The following CNOT10 variants were observed in gnomAD, a reference collection of about 807,000 sequenced individuals.
CNOT10 encodes CCR4-NOT transcription complex, subunit 10.
Under a neutral mutation model 94.6 loss-of-function variants are expected in CNOT10, and 30 were observed. The ratio of observed to expected loss-of-function variants is 0.32; its 90% CI spans 0.24 to 0.43. The LOEUF (loss-of-function observed/expected upper bound fraction) is 0.43, where lower values mean the gene tolerates loss of function less well. CNOT10 is among the 20% of genes least tolerant of loss of function. The probability of loss-of-function intolerance (pLI) is 1.00; values close to 1 mark genes in which losing one functional copy is unlikely to be tolerated. For synonymous variants in CNOT10, 289 were observed against 301.6 expected, an observed-to-expected ratio of 0.96 and a Z score of 0.43; for missense variants, 759 against 877.2, an observed-to-expected ratio of 0.87 and a Z score of 1.70.
At chr3:32,742,688 AGTAATTTT>A (rs1406959143) in intron 13 of CNOT10, among the ~76,000 whole-genome samples, 1 of 152,188 alleles carries the variant, frequency 6.6e-6, no homozygotes, top group Non-Finnish European at 1.5e-5. Context: ...GTCCTTTACC[AGTAATTTT>A]GTAGTCTGTA....
At chr3:32,685,735 C>T (rs1239245137) in intron 1 of CNOT10, among the ~76,000 whole-genome samples, 1 of 152,164 alleles carries the variant, frequency 6.6e-6, no homozygotes, top group East Asian at 1.9e-4. Flanking sequence ...CAGAATAACT[C>T]CGGCCCAAAA....
In CNOT10 at chr3:32,685,455, G is replaced by T; in HGVS notation, c.-6G>T. 8 of 1,550,382 alleles carry T rather than the reference G, an allele frequency of 5.2e-6. No homozygotes were observed. The highest frequency in any genetic ancestry group is 6.1e-6 in the Non-Finnish European group (7 of 1,146,768). ...TGCAGGGAAGAACCCGAGTCGAAGC[G>T]GGAAGATGGCTGCAGACAAGCCTGC... On this transcript the variant is annotated 5_prime_UTR_variant, in exon 1 of 19. Coordinates refer to ENST00000328834, the MANE Select transcript of CNOT10 (RefSeq NM_015442.3).
intron 13 of CNOT10, among the ~76,000 whole-genome samples, chr3:32,758,508 A>G (rs905521500): frequency 2.0e-4 from 31 of 152,328 alleles, no homozygotes; most frequent in African/African-American, 7.5e-4. Context: ...CTGTGGTGAT[A>G]TACTGGTTAC....
chr3:32,727,527 A>G, intron 9 of CNOT10, 141 bp from the exon 10 acceptor site: 1 of 628,512 alleles, frequency 1.6e-6, no homozygotes, highest in Admixed American at 2.8e-5. Context: ...GGAGACCACC[A>G]TTGGCGAGAG....
rs577442238 is a variant in CNOT10, at chr3:32,705,592, A to G, written c.279+620A>G. Among the ~76,000 whole-genome samples, 3 of 152,272 alleles carry G rather than the reference A, an allele frequency of 2.0e-5. No individual in the cohort carries two copies. The East Asian group carries it at 5.8e-4, about 29-fold the overall frequency. On this transcript the variant is annotated intron_variant, in intron 3 of 18. Coordinates refer to ENST00000328834, the MANE Select transcript of CNOT10 (RefSeq NM_015442.3). The stretch of plus-strand genomic sequence containing the variant: ...CAGTAGCCCTATGAAATAGCTATAT[A>G]ATTTTTCTTATTTTAAAAGTGGAAA...
intron 1 of CNOT10, among the ~76,000 whole-genome samples, chr3:32,692,795 C>T (rs540313182): frequency 2.0e-4 from 30 of 152,128 alleles, no homozygotes; most frequent in African/African-American, 5.3e-4. Context: ...CCTGTAATCC[C>T]AGCACTTTGG....
intron 13 of CNOT10, among the ~76,000 whole-genome samples, chr3:32,745,640 C>G (rs757746903): frequency 3.3e-5 from 5 of 152,216 alleles, no homozygotes; most frequent in Non-Finnish European, 7.3e-5. Context: ...AGGTATTCAT[C>G]AGTAGAAGAA....
intron 3 of CNOT10, among the ~76,000 whole-genome samples, chr3:32,707,742 A>T (rs1697689969): frequency 6.6e-6 from 1 of 152,082 alleles, no homozygotes; most frequent in Non-Finnish European, 1.5e-5. Flanking sequence ...GGTGGAGGTT[A>T]CACTGAGCTG....
intron 8 of CNOT10, among the ~76,000 whole-genome samples, chr3:32,723,408 AAAG>A (rs1275180533): frequency 6.6e-6 from 1 of 152,104 alleles, no homozygotes; most frequent in African/African-American, 2.4e-5. Context: ...AAAAAAAAGA[AAAG>A]AGAATATTAA....
At chr3:32,731,208 GA>G (rs1698933729) in intron 10 of CNOT10, among the ~76,000 whole-genome samples, 1 of 152,150 alleles carries the variant, frequency 6.6e-6, no homozygotes, top group South Asian at 2.1e-4. Context: ...GTTTTGATCA[GA>G]GAAGTTTTAT....
At chr3:32,737,350 T>A in intron 12 of CNOT10, 60 bp from the exon 13 acceptor site, 1 of 1,291,228 alleles carries the variant, frequency 7.7e-7, no homozygotes, top group Non-Finnish European at 1.1e-6. Flanking sequence ...GGAAACAAAA[T>A]TTTACGTTTA....
intron 13 of CNOT10, among the ~76,000 whole-genome samples, chr3:32,749,532 T>C (rs573279290): frequency 1.3e-5 from 2 of 150,564 alleles, no homozygotes; most frequent in African/African-American, 4.9e-5. Context: ...GCCTCAAGCC[T>C]CCCAAGTAGC....
chr3:32,720,343 T>C (rs1301520669), intron 8 of CNOT10, 112 bp downstream of exon 8: 1 of 488,460 alleles, frequency 2.0e-6, no homozygotes, highest in Non-Finnish European at 3.7e-6. Flanking sequence ...AATTTTTTAA[T>C]GAAAATGTTT....
Position 32,685,288 on chromosome 3 carries a change from A to C in CNOT10, c.-173A>C, listed in dbSNP as rs1025602805. On this transcript the variant is annotated 5_prime_UTR_variant, in exon 1 of 19. An upstream open reading frame in the 5' UTR loses its in-frame stop. Transcript: ENST00000328834. ...TTGCTGTTGCTAGACGACGGGAACT[A>C]GCTCTCGTCACTTCCTCAGCCCGCC... 1.1e-5 allele frequency: 7 copies of C among 627,768 alleles called. No individual in the cohort carries two copies. The highest frequency in any genetic ancestry group is 2.8e-6 in the Non-Finnish European group (1 of 360,040). 38.9% of individuals were successfully genotyped at this position (627,768 alleles called of 1,614,324 possible).
At chr3:32,756,594 A>T (rs565296897) in intron 13 of CNOT10, among the ~76,000 whole-genome samples, 3 of 152,192 alleles carry the variant, frequency 2.0e-5, no homozygotes, top group African/African-American at 7.2e-5. Flanking sequence ...GGAGCTGGAA[A>T]AGAGTTGGCT....
chr3:32,739,339 C>T (rs529745280), intron 13 of CNOT10, among the ~76,000 whole-genome samples: 3 of 152,224 alleles, frequency 2.0e-5, no homozygotes, highest in South Asian at 2.1e-4. Flanking sequence ...TTTTCTATTT[C>T]GTTTCTGCTC....
At chr3:32,722,006 C>T (rs1698440118) in intron 8 of CNOT10, among the ~76,000 whole-genome samples, 1 of 152,036 alleles carries the variant, frequency 6.6e-6, no homozygotes, top group African/African-American at 2.4e-5. Context: ...TCCTTTGATA[C>T]TAATGATAAT....
chr3:32,769,059 A>C (rs2125648235), intron 17 of CNOT10: 1 of 152,312 alleles, frequency 6.6e-6, no homozygotes, highest in South Asian at 2.1e-4. Flanking sequence ...AGTTATTTGC[A>C]TGCTTGTTTG....
At chr3:32,728,643 C>A (rs1036767662) in intron 10 of CNOT10, among the ~76,000 whole-genome samples, 11 of 151,932 alleles carry the variant, frequency 7.2e-5, no homozygotes, top group Admixed American at 6.6e-4. Context: ...TTTAAAAAGT[C>A]ATTTGTTAAC....
Sources: gnomAD v4.1 joint callset for allele counts (sites outside exome capture counted in the v4.1 genomes callset) on GRCh38, gnomAD v4.1.1 for gene constraint, MANE v1.5 for transcripts, NCBI Gene and HGNC (gene_info 2026-07-23, HGNC 2026-07-21) for gene names.